Variants in DCPS observed in about 807,000 individuals in gnomAD.
DCPS encodes decapping enzyme, scavenger.
Under a neutral mutation model 34.7 loss-of-function variants are expected in DCPS, and 27 were observed. The ratio of observed to expected loss-of-function variants is 0.78; its 90% CI spans 0.57 to 1.07. DCPS has a LOEUF of 1.07. Among genes scored for constraint, DCPS ranks in the 50% least tolerant of loss-of-function variants. The pLI, the probability that DCPS is intolerant of heterozygous loss-of-function variation, is 0.00. For synonymous variants in DCPS, 185 were observed against 185.7 expected, an observed-to-expected ratio of 1.00 and a Z score of 0.03; for missense variants, 464 against 436.9, an observed-to-expected ratio of 1.06 and a Z score of -0.55.
At chr11:126,314,710 G>C (rs1051950286) in intron 2 of DCPS, among the ~76,000 whole-genome samples, 5 of 152,162 alleles carry the variant, frequency 3.3e-5, no homozygotes, top group Non-Finnish European at 7.3e-5. Context: ...TGGAATTGGA[G>C]ACTATTATTC....
chr11:126,327,708 G>C lies in DCPS; in HGVS notation c.377-3697G>C, dbSNP rs1462145758. ...GAAATATATTGATTTGTATCAGAGA[G>C]GTTTTATTTCATCTGGGACAAAAAT... On this transcript the variant is annotated intron_variant, in intron 2 of 5. Transcript: ENST00000263579. The surrounding 1 kb of genome is among the most constrained non-coding windows in gnomAD (Gnocchi z 4.1). 1.3e-5 allele frequency among the ~76,000 whole-genome samples: 2 copies of C among 152,184 alleles called. No homozygotes were observed. The highest frequency in any genetic ancestry group is 2.9e-5 in the Non-Finnish European group (2 of 68,034).
chr11:126,311,104 G>C (rs635686), intron 2 of DCPS, among the ~76,000 whole-genome samples: 112,988 of 152,208 alleles, frequency 0.74, 42,545 homozygotes, highest in East Asian at 1. Flanking sequence ...GAGGCTGCTC[G>C]TGTGAGCCAC....
In DCPS at chr11:126,347,818, G is replaced by A. The variant is rs1565382869; in HGVS notation, c.*2205G>A. 1.3e-5 allele frequency among the ~76,000 whole-genome samples: 2 copies of A among 152,220 alleles called. No individual in the cohort carries two copies. The highest frequency in any genetic ancestry group is 2.9e-5 in the Non-Finnish European group (2 of 68,044). The stretch of plus-strand genomic sequence containing the variant: ...GTGCCCATTCCAGGTCCAGGGGAAA[G>A]AAGTGACCCGCTTCCCCTCTGAAAG... On this transcript the variant is annotated 3_prime_UTR_variant, in exon 6 of 6. Coordinates refer to ENST00000263579, the MANE Select transcript of DCPS (RefSeq NM_014026.6). The surrounding 1 kb of genome is among the most constrained non-coding windows in gnomAD (Gnocchi z 4.2).
chr11:126,327,547 G>T lies in DCPS; in HGVS notation c.377-3858G>T, dbSNP rs1951750388. On this transcript the variant is annotated intron_variant, in intron 2 of 5. Transcript: ENST00000263579. The surrounding 1 kb of genome is among the most constrained non-coding windows in gnomAD (Gnocchi z 4.1). The stretch of plus-strand genomic sequence containing the variant: ...TTTCCCAACGTGTTTTCACCTGATG[G>T]TTTGATTGTTTATTGAGCATTGACT... 3.9e-5 allele frequency among the ~76,000 whole-genome samples: 6 copies of T among 152,194 alleles called. No homozygotes were observed.
Position 126,343,412 on chromosome 11 carries a change from G to GGGCA in DCPS, c.745_747+1dup, listed in dbSNP as rs777150043. 11 of 1,612,586 alleles carry GGGCA rather than the reference G, an allele frequency of 6.8e-6. No individual in the cohort carries two copies. Among genetic ancestry groups the GGGCA allele is most frequent in the Non-Finnish European group, 7.6e-6 (9 of 1,179,432 alleles). ...GCTGCTCAGGAACATCCTCCACCAG[G>GGGCA]GGCAGGTGAGTGGCTTCACCAAACC... On this transcript the variant is annotated frameshift_variant, in exon 5 of 6. Coordinates refer to ENST00000263579, the MANE Select transcript of DCPS (RefSeq NM_014026.6). LOFTEE classifies it high-confidence loss of function.
chr11:126,337,218 G>A lies in DCPS; in HGVS notation c.523-1068G>A, dbSNP rs538641482. The stretch of plus-strand genomic sequence containing the variant: ...CTCCTTCTCCTACATCAGTGAGCTC[G>A]GAGACCATTCTGACTGTGAGGAGGA... On this transcript the variant is annotated intron_variant, in intron 3 of 5. Transcript: ENST00000263579. This position sits in a 1 kb window ranked among gnomAD's most constrained non-coding sequence, Gnocchi z 5.3. 2 of 152,250 alleles carry A rather than the reference G, an allele frequency of 1.3e-5. No individual in the cohort carries two copies. Among genetic ancestry groups the A allele is most frequent in the African/African-American group, 2.4e-5 (1 of 41,530 alleles). 9.4% of individuals were successfully genotyped at this position (152,250 alleles called of 1,614,324 possible). A position where few individuals can be genotyped will look rare whatever the true frequency, so the allele number is the denominator to read the frequency against.
Position 126,329,496 on chromosome 11 carries a change from T to C in DCPS, c.377-1909T>C, listed in dbSNP as rs1363157869. 1.3e-5 allele frequency among the ~76,000 whole-genome samples: 2 copies of C among 152,186 alleles called. No homozygotes were observed. Among genetic ancestry groups the C allele is most frequent in the East Asian group, 1.9e-4 (1 of 5,192 alleles). The stretch of plus-strand genomic sequence containing the variant: ...CAGCCTGGGGCCAGTGGCCATGTCT[T>C]CCCACTGTGCTGCTGTGCCACCCAG... On this transcript the variant is annotated intron_variant, in intron 2 of 5. Transcript: ENST00000263579. The surrounding 1 kb of genome is among the most constrained non-coding windows in gnomAD (Gnocchi z 5.0).
intron 2 of DCPS, among the ~76,000 whole-genome samples, chr11:126,307,696 C>T (rs905259158): frequency 1.3e-5 from 2 of 152,088 alleles, no homozygotes; most frequent in South Asian, 2.1e-4. Context: ...TGTGAGCCAC[C>T]GTGCCCAGCC....
rs957090437 is a variant in DCPS, at chr11:126,332,743, G to C, written c.522+1193G>C. 1.3e-5 allele frequency among the ~76,000 whole-genome samples: 2 copies of C among 152,216 alleles called. No homozygotes were observed. The highest frequency in any genetic ancestry group is 4.8e-5 in the African/African-American group (2 of 41,452). On this transcript the variant is annotated intron_variant, in intron 3 of 5. Coordinates refer to ENST00000263579, the MANE Select transcript of DCPS (RefSeq NM_014026.6). This position sits in a 1 kb window ranked among gnomAD's most constrained non-coding sequence, Gnocchi z 5.4. ...CCCTGGGCAGCAGTTTGCGTGGGGT[G>C]CATCTGGCTCAAGCTGACTTGTTTG...
rs112964362 is a variant in DCPS, at chr11:126,339,873, G to A, written c.636+1474G>A. On this transcript the variant is annotated intron_variant, in intron 4 of 5. Coordinates refer to ENST00000263579, the MANE Select transcript of DCPS (RefSeq NM_014026.6). ...GGGCTGCCCTGCACCTAGAGATCCGGGGTCAGAGCCTGGGTCACAGGAGGC... is the reference window on the plus strand; with the variant it reads ...GGGCTGCCCTGCACCTAGAGATCCGAGGTCAGAGCCTGGGTCACAGGAGGC... Among the ~76,000 whole-genome samples the A allele has an allele frequency of 4.0e-3, 603 of 152,294 alleles. 4 individuals carry two copies. The highest frequency in any genetic ancestry group is 0.014 in the African/African-American group (565 of 41,562).
chr11:126,307,353 G>C (rs988460840), intron 2 of DCPS, among the ~76,000 whole-genome samples: 7 of 150,180 alleles, frequency 4.7e-5, no homozygotes, highest in African/African-American at 1.7e-4. Context: ...AAAAAAAAGA[G>C]AAACCTTGTT....
Position 126,331,331 on chromosome 11 carries a change from C to T in DCPS, c.377-74C>T, listed in dbSNP as rs899040886. The T allele has an allele frequency of 2.0e-5, 32 of 1,569,316 alleles. No homozygotes were observed. The South Asian group carries it at 3.5e-4, about 17-fold the overall frequency. On this transcript the variant is annotated intron_variant, in intron 2 of 5. Transcript: ENST00000263579. The surrounding 1 kb of genome is among the most constrained non-coding windows in gnomAD (Gnocchi z 7.2). ...GAATCAAAGCCAGGGTGGGAGTTCT[C>T]TCCTCACCGTGGTGCCTGTGGCATA...
rs3017010 is a variant in DCPS at position 126,347,882 on chromosome 11, C to T, written c.*2269C>T. Among the ~76,000 whole-genome samples the T allele has an allele frequency of 0.037, 5,630 of 152,232 alleles. 946 individuals carry two copies. In the East Asian group the frequency reaches 0.56, roughly 15 times the overall value. On this transcript the variant is annotated 3_prime_UTR_variant, in exon 6 of 6. Transcript: ENST00000263579. This position sits in a 1 kb window ranked among gnomAD's most constrained non-coding sequence, Gnocchi z 4.2. ...AACAAGCAAACACGGTCTCCATCTC[C>T]AGCACCACAACTGCCACGGAGCAGA...
rs991868403 is a variant in DCPS, at chr11:126,348,234, T to TC, written c.*2626dup. On this transcript the variant is annotated 3_prime_UTR_variant, in exon 6 of 6. Transcript: ENST00000263579. The surrounding 1 kb of genome is among the most constrained non-coding windows in gnomAD (Gnocchi z 5.3). Reference sequence around the variant, plus strand: ...CCCACACTCTGGAAGGTTTCTCGACTCCCCCGAGGGGCTGGCCAGTTCTGT... The same window carrying TC: ...CCCACACTCTGGAAGGTTTCTCGACTCCCCCCGAGGGGCTGGCCAGTTCTGT... Among the ~76,000 whole-genome samples the TC allele has an allele frequency of 1.3e-4, 20 of 152,006 alleles. No individual in the cohort carries two copies. The highest frequency in any genetic ancestry group is 2.2e-4 in the Non-Finnish European group (15 of 67,978).
chr11:126,338,200 C>A lies in DCPS; in HGVS notation c.523-86C>A. 1 of 1,284,078 alleles carries A rather than the reference C, an allele frequency of 7.8e-7. No homozygotes were observed. The highest frequency in any genetic ancestry group is 1.1e-6 in the Non-Finnish European group (1 of 898,672). The allele number at this position is 1,284,078 out of a possible 1,614,324, so 79.5% of individuals were successfully genotyped here. The stretch of plus-strand genomic sequence containing the variant: ...GGCTTGGTTCTGTCTCCTGGAGAGG[C>A]CAGGGAATGCCCTGAGCTCAGTTTG... On this transcript the variant is annotated intron_variant, in intron 3 of 5. Transcript: ENST00000263579. This position sits in a 1 kb window ranked among gnomAD's most constrained non-coding sequence, Gnocchi z 5.4.
Position 126,343,181 on chromosome 11 carries a change from G to A in DCPS, c.637-126G>A, listed in dbSNP as rs1951889783. 4 of 705,358 alleles carry A rather than the reference G, an allele frequency of 5.7e-6. 1 individual carries two copies. The highest frequency in any genetic ancestry group is 5.4e-5 in the East Asian group (2 of 37,002). The allele number at this position is 705,358 out of a possible 1,614,324, so 43.7% of individuals were successfully genotyped here. On this transcript the variant is annotated intron_variant, in intron 4 of 5. Coordinates refer to ENST00000263579, the MANE Select transcript of DCPS (RefSeq NM_014026.6). ...CGCCCGGGGTATGCAGATGCCCTGC[G>A]GGGTTTCTCCTGGTGCTGTAGGCCT... is the stretch of plus-strand genomic sequence containing the variant.
At chr11:126,304,615 A>G (rs953164795) in intron 1 of DCPS, among the ~76,000 whole-genome samples, 5 of 152,180 alleles carry the variant, frequency 3.3e-5, no homozygotes, top group South Asian at 4.1e-4. Flanking sequence ...AACCCAGTCA[A>G]TGTTAGATGT....
chr11:126,345,473 G>C lies in DCPS; in HGVS notation c.874G>C (p.Val292Leu). 6.2e-7 allele frequency: 1 copy of C among 1,614,160 alleles called. No individual in the cohort carries two copies. The highest frequency in any genetic ancestry group is 1.1e-5 in the South Asian group (1 of 91,088). Residue 292 changes from valine to leucine, a missense_variant, in exon 6 of 6, where the codon GTG (valine) becomes CTG (leucine). Transcript: ENST00000263579. This position sits in a 1 kb window ranked among gnomAD's most constrained non-coding sequence, Gnocchi z 7.4. ...ALGFEAPGSG[V>L]ERAHLLAEVI... ...GGGCTTCGAGGCCCCCGGCTCAGGC[G>C]TGGAGCGGGCCCACCTGCTGGCTGA...
At position 126,325,135 on chromosome 11, in the gene DCPS, C is replaced by T. The variant is rs1044481191; in HGVS notation, c.377-6270C>T. Among the ~76,000 whole-genome samples the T allele has an allele frequency of 6.6e-6, 1 of 151,930 alleles. No individual in the cohort carries two copies. The highest frequency in any genetic ancestry group is 2.4e-5 in the African/African-American group (1 of 41,326). ...CCAGGAGGTGGAGGTTGCAGTGAGCCAAGATCGTGCCATTGCACTCCAGCC... is the reference window on the plus strand; with the variant it reads ...CCAGGAGGTGGAGGTTGCAGTGAGCTAAGATCGTGCCATTGCACTCCAGCC... On this transcript the variant is annotated intron_variant, in intron 2 of 5. Transcript: ENST00000263579. The surrounding 1 kb of genome is among the most constrained non-coding windows in gnomAD (Gnocchi z 4.3).
Sources: gnomAD v4.1 joint callset for allele counts (sites outside exome capture counted in the v4.1 genomes callset) on GRCh38, gnomAD v4.1.1 for gene constraint, Gnocchi (gnomAD v3.1) non-coding constraint, MANE v1.5 for transcripts, NCBI Gene and HGNC (gene_info 2026-07-23, HGNC 2026-07-21) for gene names.